Variants in GPR174 observed in about 807,000 individuals in gnomAD.
GPR174 encodes the protein probable G protein-coupled receptor 174.
A neutral mutation model predicts 16.5 loss-of-function variants in GPR174; 8 were observed. The ratio of observed to expected loss-of-function variants is 0.48; its 90% CI spans 0.28 to 0.87. The LOEUF is 0.87. Ranked by LOEUF, GPR174 falls within the 40% of genes least tolerant of loss-of-function variation. The pLI is 0.09. For missense variants in GPR174, 214 were observed against 247.5 expected (o/e 0.86, Z 0.91); for synonymous variants, 111 against 94.8 (o/e 1.17, Z -0.99).
chrX:79,155,748 G>A (rs930768659), intron 1 of GPR174, among the ~76,000 whole-genome samples: 2 of 111,947 alleles, frequency 1.8e-5, no homozygotes, highest in Middle Eastern at 4.6e-3. Context: ...GCATTAGAAC[G>A]CAAGTCTCTT....
chrX:79,168,816 G>C (rs1921439678), intron 2 of GPR174, among the ~76,000 whole-genome samples: 1 of 110,894 alleles, frequency 9.0e-6, no homozygotes. Context: ...ATTTTGAAGG[G>C]AGAAAGTTTT....
At chrX:79,160,435 T>A (rs1921209208) in intron 2 of GPR174, among the ~76,000 whole-genome samples, 1 of 112,073 alleles carries the variant, frequency 8.9e-6, no homozygotes, top group South Asian at 3.7e-4. Flanking sequence ...TGCTTTTTAA[T>A]AAATTTATTA....
rs1569281344 is a variant in GPR174, at chrX:79,166,425, CTT to C, written c.-556-4022_-556-4021del. Among the ~76,000 whole-genome samples, 3 of 42,533 alleles carry C rather than the reference CTT, an allele frequency of 7.1e-5. No individual in the cohort carries two copies. The South Asian group carries it at 5.0e-3, about 71-fold the overall frequency. 36.9% of individuals were successfully genotyped at this position (42,533 alleles called of 115,157 possible). A position where few individuals can be genotyped will look rare whatever the true frequency, so the allele number is the denominator to read the frequency against. On this transcript the variant is annotated intron_variant, in intron 2 of 2. Coordinates refer to ENST00000645147, the MANE Select transcript of GPR174 (RefSeq NM_032553.3). Reference sequence around the variant, plus strand: ...CTTAAAGGGATCTTTTTTTTCTTTTCTTTTTTCTTTTTTTTTTTTTTTTTTTT... The same window carrying C: ...CTTAAAGGGATCTTTTTTTTCTTTTCTTTTCTTTTTTTTTTTTTTTTTTTT...
chrX:79,164,021 G>C (rs1366436708), intron 2 of GPR174, among the ~76,000 whole-genome samples: 2 of 111,534 alleles, frequency 1.8e-5, no homozygotes, highest in Non-Finnish European at 3.8e-5. Flanking sequence ...AGAAAAATGT[G>C]ACAACAGTAC....
chrX:79,161,428 A>G (rs962583007), intron 2 of GPR174, among the ~76,000 whole-genome samples: 2 of 112,647 alleles, frequency 1.8e-5, no homozygotes, highest in Non-Finnish European at 3.8e-5. Flanking sequence ...ATTTATTAAC[A>G]ATTCTTTTAT....
At chrX:79,146,975 G>T (rs187013248) in intron 1 of GPR174, among the ~76,000 whole-genome samples, 1 of 111,301 alleles carries the variant, frequency 9.0e-6, no homozygotes, top group East Asian at 2.9e-4. Context: ...CTCTTCCCTT[G>T]CCCATTAAAG....
rs746895782 is a variant in GPR174 at position 79,167,320 on chromosome X, G to T, written c.-556-3132G>T. The stretch of plus-strand genomic sequence containing the variant: ...ACTCTTTGACAAATAAGATTCAGTT[G>T]TCCATCTGGGAATACACATTTTTAA... On this transcript the variant is annotated intron_variant, in intron 2 of 2. Coordinates refer to ENST00000645147, the MANE Select transcript of GPR174 (RefSeq NM_032553.3). Among the ~76,000 whole-genome samples, 8 of 111,922 alleles carry T rather than the reference G, an allele frequency of 7.1e-5. No individual in the cohort carries two copies. The East Asian group carries it at 2.2e-3, about 31-fold the overall frequency.
At chrX:79,160,344 T>C (rs1164678177) in intron 2 of GPR174, among the ~76,000 whole-genome samples, 1 of 111,697 alleles carries the variant, frequency 9.0e-6, no homozygotes, top group Non-Finnish European at 1.9e-5. Context: ...AGTGTAATTC[T>C]AAAAGAGAAT....
chrX:79,171,334 G>A lies in GPR174; in HGVS notation c.327G>A (p.Leu109=). ...YVNMYASIYF[L]VCISVRRFWF... ...ACATGTATGCAAGCATCTACTTCTT[G>A]GTCTGCATCAGTGTGCGACGATTTT... Residue 109 remains leucine, a synonymous_variant, in exon 3 of 3, where the codon TTG becomes TTA. Transcript: ENST00000645147. 1 of 1,211,163 alleles carries A rather than the reference G, an allele frequency of 8.3e-7. No homozygotes were observed. The highest frequency in any genetic ancestry group is 1.1e-6 in the Non-Finnish European group (1 of 895,177).
At chrX:79,154,239 C>A (rs1921043388) in intron 1 of GPR174, among the ~76,000 whole-genome samples, 1 of 111,188 alleles carries the variant, frequency 9.0e-6, no homozygotes, top group South Asian at 3.8e-4. Context: ...TACTGTGATC[C>A]TTTACGTCTA....
At chrX:79,166,411 CT>C (rs66493560) in intron 2 of GPR174, among the ~76,000 whole-genome samples, 55 of 78,514 alleles carry the variant, frequency 7.0e-4, no homozygotes, top group African/African-American at 2.4e-3. Flanking sequence ...TTAAAGGGAT[CT>C]TTTTTTTCTT....
intron 1 of GPR174, among the ~76,000 whole-genome samples, chrX:79,156,151 G>T (rs1309589312): frequency 8.9e-6 from 1 of 111,980 alleles, no homozygotes; most frequent in African/African-American, 3.3e-5. Context: ...TTTCTTAAAG[G>T]ATTGAATCCA....
chrX:79,168,080 A>G (rs1197605177), intron 2 of GPR174, among the ~76,000 whole-genome samples: 2 of 112,500 alleles, frequency 1.8e-5, no homozygotes, highest in Non-Finnish European at 3.8e-5. Context: ...GTAAAAATGA[A>G]GCCCTGAGAT....
chrX:79,158,280 C>G (rs1245285420), intron 2 of GPR174, among the ~76,000 whole-genome samples: 2 of 106,650 alleles, frequency 1.9e-5, no homozygotes, highest in African/African-American at 3.4e-5. Context: ...TGAGCCCTTT[C>G]CCCTGACGTA....
rs1470023017 is a variant in GPR174, at chrX:79,174,375, C to T, written c.*2366C>T. The T allele has an allele frequency of 9.4e-6, 1 of 106,426 alleles. No individual in the cohort carries two copies. Among genetic ancestry groups the T allele is most frequent in the Non-Finnish European group, 1.9e-5 (1 of 51,807 alleles). 8.8% of individuals were successfully genotyped at this position (106,426 alleles called of 1,213,427 possible). A position where few individuals can be genotyped will look rare whatever the true frequency, so the allele number is the denominator to read the frequency against. The stretch of plus-strand genomic sequence containing the variant: ...CAGGCAGCAACCTGATCAATTCATT[C>T]ACACCATGGTGCTAATAGCTAATGT... On this transcript the variant is annotated 3_prime_UTR_variant, in exon 3 of 3. Coordinates refer to ENST00000645147, the MANE Select transcript of GPR174 (RefSeq NM_032553.3).
intron 2 of GPR174, among the ~76,000 whole-genome samples, chrX:79,159,345 G>T (rs762253222): frequency 8.9e-6 from 1 of 111,828 alleles, no homozygotes; most frequent in Non-Finnish European, 1.9e-5. Flanking sequence ...GATGTATAAA[G>T]ATATTCATGA....
chrX:79,152,118 A>G lies in GPR174; in HGVS notation c.-653-4704A>G, dbSNP rs1926611889. 2.7e-5 allele frequency among the ~76,000 whole-genome samples: 3 copies of G among 111,881 alleles called. No individual in the cohort carries two copies. In the South Asian group the frequency reaches 1.1e-3, roughly 42 times the overall value. On this transcript the variant is annotated intron_variant, in intron 1 of 2. Transcript: ENST00000645147. Reference sequence around the variant, plus strand: ...GATGCAAGTTAATATCAACAAAAGGAAAGGGCTCAAAAAATTGTACACAGA... The same window carrying G: ...GATGCAAGTTAATATCAACAAAAGGGAAGGGCTCAAAAAATTGTACACAGA...
Position 79,172,173 on chromosome X carries a change from C to A in GPR174, c.*164C>A. ...TCTTCAAAGCAGGACCTATTTGGAGCATTACGATCCACGATTATTGATGTT... is the reference window on the plus strand; with the variant it reads ...TCTTCAAAGCAGGACCTATTTGGAGAATTACGATCCACGATTATTGATGTT... On this transcript the variant is annotated 3_prime_UTR_variant, in exon 3 of 3. Coordinates refer to ENST00000645147, the MANE Select transcript of GPR174 (RefSeq NM_032553.3). The A allele has an allele frequency of 2.1e-6, 1 of 467,468 alleles. No individual in the cohort carries two copies. 38.5% of individuals were successfully genotyped at this position (467,468 alleles called of 1,213,427 possible).
At chrX:79,154,521 C>A (rs937075149) in intron 1 of GPR174, among the ~76,000 whole-genome samples, 2 of 111,119 alleles carry the variant, frequency 1.8e-5, no homozygotes, top group Non-Finnish European at 3.8e-5. Context: ...GATATGGAGC[C>A]CAAGCAGTTA....
Sources: allele counts gnomAD v4.1 joint callset (sites outside exome capture counted in the v4.1 genomes callset), GRCh38; gene constraint gnomAD v4.1.1; transcripts MANE v1.5; gene names NCBI Gene and HGNC (gene_info 2026-07-23, HGNC 2026-07-21).